Variants in TRPM2 observed in about 807,000 individuals in gnomAD.
TRPM2 encodes the protein transient receptor potential cation channel subfamily M member 2, also known as estrogen-responsive element-associated gene 1 protein.
In TRPM2, 161 loss-of-function variants were observed where a neutral mutation model predicts 174.0. The ratio of observed to expected loss-of-function variants is 0.93; its 90% CI spans 0.81 to 1.05. The LOEUF (loss-of-function observed/expected upper bound fraction) is 1.05, where lower values mean the gene tolerates loss of function less well. Among genes scored for constraint, TRPM2 ranks in the 50% least tolerant of loss-of-function variants. The probability of loss-of-function intolerance (pLI) is 0.00; values close to 1 mark genes in which losing one functional copy is unlikely to be tolerated. For missense variants in TRPM2, 2,057 were observed against 2,038.0 expected, an observed-to-expected ratio of 1.01 and a Z score of -0.18; for synonymous variants, 954 against 861.3, an observed-to-expected ratio of 1.11 and a Z score of -1.88.
intron 23 of TRPM2, 126 bp from the exon 24 acceptor site, chr21:44,424,726 G>A: frequency 1.8e-6 from 1 of 554,300 alleles, no homozygotes; most frequent in Non-Finnish European, 3.0e-6. Flanking sequence ...CACTTTCAAA[G>A]GGCGCAGGGG....
rs978294975 is a variant in TRPM2 at position 44,387,350 on chromosome 21, C to T, written c.1319-3554C>T. ...TGATGCTGGATAAACTGGATATCCACATGCCAAAGAATCAAGTTAGACCCT... is the reference window on the plus strand; with the variant it reads ...TGATGCTGGATAAACTGGATATCCATATGCCAAAGAATCAAGTTAGACCCT... On this transcript the variant is annotated intron_variant, in intron 9 of 31. Coordinates refer to ENST00000397928, the MANE Select transcript of TRPM2 (RefSeq NM_003307.4). Among the ~76,000 whole-genome samples the T allele has an allele frequency of 3.9e-5, 6 of 152,328 alleles. No homozygotes were observed. The South Asian group carries it at 1.2e-3, about 32-fold the overall frequency.
rs45516991 is a variant in TRPM2 at position 44,413,408 on chromosome 21, A to G, written c.2963-483A>G. 5.7e-3 allele frequency among the ~76,000 whole-genome samples: 868 copies of G among 151,916 alleles called. 3 individuals are homozygous for G. Among genetic ancestry groups the G allele is most frequent in the Admixed American group, 0.01 (155 of 15,262 alleles). On this transcript the variant is annotated intron_variant, in intron 19 of 31. Coordinates refer to ENST00000397928, the MANE Select transcript of TRPM2 (RefSeq NM_003307.4). ...TAGGCGCCCGCCACCATGCCTGGCT[A>G]ATTTTTGTATTTTTAGTAGAGACAA...
intron 19 of TRPM2, among the ~76,000 whole-genome samples, chr21:44,407,823 T>C (rs2049957175): frequency 6.6e-6 from 1 of 151,972 alleles, no homozygotes; most frequent in Admixed American, 6.6e-5. Flanking sequence ...ATTTTGTTCA[T>C]CCATTCATCA....
intron 16 of TRPM2, among the ~76,000 whole-genome samples, 196 bp downstream of exon 16, chr21:44,402,093 G>A (rs2049639684): frequency 6.6e-6 from 1 of 152,116 alleles, no homozygotes; most frequent in Non-Finnish European, 1.5e-5. Context: ...CATGCCCCCT[G>A]CGCCTGCTTC....
rs899737562 is a variant in TRPM2, at chr21:44,414,194, G to A, written c.3146+120G>A. 7 of 1,295,328 alleles carry A rather than the reference G, an allele frequency of 5.4e-6. No individual in the cohort carries two copies. In the African/African-American group the frequency reaches 5.8e-5, roughly 11 times the overall value. 80.2% of individuals were successfully genotyped at this position (1,295,328 alleles called of 1,614,324 possible). ...GTGGATGATGGGCTGGTGCACAGAG[G>A]CGCGTCACTCATATCCTGGTGGAGT... On this transcript the variant is annotated intron_variant, in intron 20 of 31. Transcript: ENST00000397928.
intron 28 of TRPM2, among the ~76,000 whole-genome samples, chr21:44,436,341 G>T (rs1201814697): frequency 6.6e-6 from 1 of 152,088 alleles, no homozygotes; most frequent in Admixed American, 6.5e-5. Flanking sequence ...CCCAGCGGAG[G>T]GGCCTTTGGC....
At chr21:44,400,410 C>CTGT (rs2049579426) in intron 15 of TRPM2, 39 bp downstream of exon 15, 1 of 1,550,680 alleles carries the variant, frequency 6.4e-7, no homozygotes. Context: ...TGTGGGGCTG[C>CTGT]GGGGCTGCGG....
At position 44,395,355 on chromosome 21, in the gene TRPM2, C is replaced by T. The variant is rs541394797; in HGVS notation, c.1795-59C>T. The T allele has an allele frequency of 8.4e-5, 134 of 1,586,728 alleles. 2 individuals are homozygous for T. The highest frequency in any genetic ancestry group is 8.0e-4 in the African/African-American group (60 of 74,656). On this transcript the variant is annotated intron_variant, in intron 11 of 31. Transcript: ENST00000397928. ...CAGGGCCTGCACCTCTGACAGGCTC[C>T]GCCAGTGACTCTGAGCCAGGCGGCC...
chr21:44,397,949 G>C, intron 13 of TRPM2, 73 bp downstream of exon 13: 1 of 1,468,738 alleles, frequency 6.8e-7, no homozygotes, highest in Non-Finnish European at 9.1e-7. Context: ...TCCCATCCCT[G>C]GGTCTCAGCC....
At chr21:44,422,199 G>T (rs1271858743) in intron 22 of TRPM2, 17 of 1,492,204 alleles carry the variant, frequency 1.1e-5, no homozygotes, top group Non-Finnish European at 1.4e-5. Context: ...CCTGGGAGGC[G>T]CATGAGTGTG....
intron 19 of TRPM2, among the ~76,000 whole-genome samples, chr21:44,412,981 A>T (rs2050152885): frequency 6.6e-6 from 1 of 152,096 alleles, no homozygotes; most frequent in South Asian, 2.1e-4. Flanking sequence ...AAAGAATGTT[A>T]TTCATAATTT....
At position 44,374,682 on chromosome 21, in the gene TRPM2, A is replaced by C. The variant is rs1240134522; in HGVS notation, c.772-1151A>C. On this transcript the variant is annotated intron_variant, in intron 5 of 31. Coordinates refer to ENST00000397928, the MANE Select transcript of TRPM2 (RefSeq NM_003307.4). ...CAGTAAGGTTAGTATTCCCATGAGA[A>C]TCTAATGCCGCGGATCTGACAGGAG... Among the ~76,000 whole-genome samples the C allele has an allele frequency of 2.0e-5, 3 of 152,194 alleles. No homozygotes were observed. The East Asian group carries it at 5.8e-4, about 29-fold the overall frequency.
intron 8 of TRPM2, among the ~76,000 whole-genome samples, chr21:44,380,374 C>G (rs756573964): frequency 4.4e-4 from 67 of 152,316 alleles, no homozygotes; most frequent in Admixed American, 7.2e-4. Context: ...GTCAGGGCGG[C>G]TTTCCTTCCT....
chr21:44,420,562 G>C (rs979260387), intron 22 of TRPM2, among the ~76,000 whole-genome samples: 1 of 152,228 alleles, frequency 6.6e-6, no homozygotes, highest in Non-Finnish European at 1.5e-5. Flanking sequence ...TACAGAGGAG[G>C]GGGGCCTGGG....
intron 2 of TRPM2, among the ~76,000 whole-genome samples, chr21:44,356,684 C>G (rs1164984897): frequency 6.6e-6 from 1 of 152,130 alleles, no homozygotes; most frequent in East Asian, 1.9e-4. Flanking sequence ...CTCAGGTGAT[C>G]CACCAGCCTT....
At chr21:44,368,677 C>A (rs2146164386) in intron 4 of TRPM2, among the ~76,000 whole-genome samples, 1 of 152,168 alleles carries the variant, frequency 6.6e-6, no homozygotes, top group East Asian at 1.9e-4. Context: ...GGTGATCTGC[C>A]CGCCTCGGCC....
At chr21:44,435,268 C>A in intron 28 of TRPM2, 51 bp downstream of exon 28, 1 of 1,584,854 alleles carries the variant, frequency 6.3e-7, no homozygotes, top group Non-Finnish European at 8.6e-7. Flanking sequence ...GGTCACCCCA[C>A]CTTCACAAGG....
At chr21:44,412,802 T>C (rs45455502) in intron 19 of TRPM2, among the ~76,000 whole-genome samples, 23 of 152,184 alleles carry the variant, frequency 1.5e-4, no homozygotes, top group African/African-American at 5.1e-4. Flanking sequence ...TTTACTACAG[T>C]GGGAAGTTAC....
At chr21:44,394,619 G>A (rs951979214) in intron 11 of TRPM2, among the ~76,000 whole-genome samples, 5 of 151,642 alleles carry the variant, frequency 3.3e-5, no homozygotes, top group African/African-American at 7.3e-5. Flanking sequence ...GTGCCAGGCC[G>A]GGTATGGCTT....
Sources: gnomAD v4.1 joint callset for allele counts (sites outside exome capture counted in the v4.1 genomes callset) on GRCh38, gnomAD v4.1.1 for gene constraint, MANE v1.5 for transcripts, NCBI Gene and HGNC (gene_info 2026-07-23, HGNC 2026-07-21) for gene names.